Variants in ZNF346 observed in about 807,000 individuals in gnomAD.
ZNF346 encodes double-stranded RNA-binding zinc finger protein JAZ.
Under a neutral mutation model 33.7 loss-of-function variants are expected in ZNF346, and 23 were observed. The observed-to-expected ratio is 0.68, with a 90% CI of 0.49 to 0.97. The LOEUF (loss-of-function observed/expected upper bound fraction) is 0.97, where lower values mean the gene tolerates loss of function less well. Among genes scored for constraint, ZNF346 ranks in the 50% least tolerant of loss-of-function variants. The pLI is 0.00. For synonymous variants in ZNF346, 134 were observed against 142.4 expected (o/e 0.94, Z 0.42); for missense variants, 340 against 371.1 (o/e 0.92, Z 0.69).
At chr5:177,070,643 C>T (rs551771991), downstream of ZNF346, among the ~76,000 whole-genome samples, 7 of 152,286 alleles carry the variant, frequency 4.6e-5, 2 homozygotes, top group African/African-American at 1.7e-4. Flanking sequence ...ATGATAAATG[C>T]TATATAAATG....
Position 177,050,954 on chromosome 5 carries a change from A to C in ZNF346, c.703+18A>C. On this transcript the variant is annotated intron_variant, in intron 5 of 6. Transcript: ENST00000358149. ...CTTTCCAGGTGAGGGGGCCTAGCTCACACCCAGAGCTGGACCAGGGTTTGG... is the reference window on the plus strand; with the variant it reads ...CTTTCCAGGTGAGGGGGCCTAGCTCCCACCCAGAGCTGGACCAGGGTTTGG... 5 of 1,602,974 alleles carry C rather than the reference A, an allele frequency of 3.1e-6. No homozygotes were observed. The highest frequency in any genetic ancestry group is 1.1e-5 in the South Asian group (1 of 90,844).
At chr5:177,038,876 T>TTGTGTGTGTGTGTGTGTG (rs56812954) in intron 1 of ZNF346, among the ~76,000 whole-genome samples, 7 of 135,452 alleles carry the variant, frequency 5.2e-5, no homozygotes, top group African/African-American at 2.0e-4. Context: ...CTTCTTCTTC[T>TTGTGTGTGTGTGTGTGTG]TGTGTGTGTG....
downstream of ZNF346, among the ~76,000 whole-genome samples, chr5:177,068,171 G>A (rs549389777): frequency 3.7e-3 from 536 of 142,978 alleles, 125 homozygotes; most frequent in African/African-American, 0.015. Context: ...CTCACAGGGT[G>A]AGCAGCCACT....
Position 177,065,804 on chromosome 5 carries a change from C to T in ZNF346, c.*1205C>T, listed in dbSNP as rs1428996788. On this transcript the variant is annotated 3_prime_UTR_variant, in exon 7 of 7. Transcript: ENST00000358149. ...TAGCTGCTCTCGTGGCCTCCTTCCCCCACTCCCTATCCCTTCACCTGTGAA... is the reference window on the plus strand; with the variant it reads ...TAGCTGCTCTCGTGGCCTCCTTCCCTCACTCCCTATCCCTTCACCTGTGAA... 9 of 151,884 alleles carry T rather than the reference C, an allele frequency of 5.9e-5. No homozygotes were observed. Among genetic ancestry groups the T allele is most frequent in the African/African-American group, 1.9e-4 (8 of 41,366 alleles). The allele number at this position is 151,884 out of a possible 1,614,324, so 9.4% of individuals were successfully genotyped here.
rs1205613654 is a variant in ZNF346, at chr5:177,038,259, T to TG, written c.176-2867_176-2866insG. 4.7e-5 allele frequency among the ~76,000 whole-genome samples: 7 copies of TG among 148,614 alleles called. 2 individuals carry two copies. The highest frequency in any genetic ancestry group is 1.7e-4 in the African/African-American group (7 of 40,236). On this transcript the variant is annotated intron_variant, in intron 1 of 6. Coordinates refer to ENST00000358149, the MANE Select transcript of ZNF346 (RefSeq NM_012279.4). ...ATGCGCCACCATGCCCAACTACGTT[T>TG]TTTTTTTTTGTGTGTGTGTGTTTTT...
At chr5:177,074,850 G>A (rs1173155570) in intron 8 of ZNF346, among the ~76,000 whole-genome samples, 2 of 151,822 alleles carry the variant, frequency 1.3e-5, no homozygotes, top group Non-Finnish European at 2.9e-5. Flanking sequence ...GGCGGATCAC[G>A]AGGTCAGGAG....
chr5:177,072,051 G>A (rs185864680), downstream of ZNF346, among the ~76,000 whole-genome samples: 5 of 152,334 alleles, frequency 3.3e-5, no homozygotes, highest in African/African-American at 1.2e-4. Flanking sequence ...TAGCAAGGTA[G>A]ACCAGCCCTG....
intron 1 of ZNF346, among the ~76,000 whole-genome samples, chr5:177,032,247 A>G (rs1280165895): frequency 6.6e-6 from 1 of 151,150 alleles, no homozygotes; most frequent in Non-Finnish European, 1.5e-5. Flanking sequence ...CAGGTAATCC[A>G]CCCACCTTGG....
rs1420450817 is a variant in ZNF346 at position 177,055,042 on chromosome 5, T to G, written c.703+4106T>G. On this transcript the variant is annotated intron_variant, in intron 5 of 6. Transcript: ENST00000358149. The stretch of plus-strand genomic sequence containing the variant: ...CATTTACAAATACGTAGGTTTTTTT[T>G]TTTTTTTTTGAGACAGAGTCTCATT... 2.6e-5 allele frequency among the ~76,000 whole-genome samples: 4 copies of G among 151,366 alleles called. No homozygotes were observed. In the East Asian group the frequency reaches 5.8e-4, roughly 22 times the overall value.
chr5:177,062,175 C>A, intron 6 of ZNF346, 24 bp downstream of exon 6: 2 of 1,604,016 alleles, frequency 1.2e-6, no homozygotes, highest in Non-Finnish European at 1.7e-6. Flanking sequence ...TTTTGAAATT[C>A]TAGGATCCAT....
At chr5:177,058,228 A>G (rs1248573669) in intron 5 of ZNF346, among the ~76,000 whole-genome samples, 1 of 151,414 alleles carries the variant, frequency 6.6e-6, no homozygotes, top group African/African-American at 2.4e-5. Context: ...TAATTCCAGC[A>G]CTTTGGGAGG....
intron 5 of ZNF346, among the ~76,000 whole-genome samples, chr5:177,058,901 G>A (rs1196191823): frequency 6.6e-6 from 1 of 152,150 alleles, no homozygotes; most frequent in Non-Finnish European, 1.5e-5. Context: ...AAAGAATTTA[G>A]GTGTTTTTGT....
Position 177,048,355 on chromosome 5 carries a change from C to G in ZNF346, c.518-2396C>G, listed in dbSNP as rs561588705. Among the ~76,000 whole-genome samples the G allele has an allele frequency of 3.1e-3, 465 of 152,296 alleles. 3 individuals carry two copies. Among genetic ancestry groups the G allele is most frequent in the African/African-American group, 0.011 (447 of 41,538 alleles). ...AAGTTGGAAAATAGTAGGCCGGGTG[C>G]TCACGCCTGTAATTCCAGCACTTTG... On this transcript the variant is annotated intron_variant, in intron 4 of 6. Coordinates refer to ENST00000358149, the MANE Select transcript of ZNF346 (RefSeq NM_012279.4).
chr5:177,058,319 A>G (rs2149691987), intron 5 of ZNF346, among the ~76,000 whole-genome samples: 1 of 151,882 alleles, frequency 6.6e-6, no homozygotes, highest in Non-Finnish European at 1.5e-5. Context: ...TAAAAATACA[A>G]AATTAGCCGG....
chr5:177,068,434 A>G (rs1783339940), downstream of ZNF346, among the ~76,000 whole-genome samples: 1 of 144,154 alleles, frequency 6.9e-6, no homozygotes, highest in Non-Finnish European at 1.5e-5. Context: ...AGAATTGTCT[A>G]TCCCTCTGCT....
At position 177,077,386 on chromosome 5, in the gene ZNF346, T is replaced by A. The variant is rs1030879562; in HGVS notation, c.*3-1996T>A. Among the ~76,000 whole-genome samples the A allele has an allele frequency of 3.9e-5, 6 of 152,086 alleles. No homozygotes were observed. The highest frequency in any genetic ancestry group is 7.4e-5 in the Non-Finnish European group (5 of 68,008). On this transcript the variant is annotated intron_variant, in intron 8 of 8. Coordinates refer to the ZNF346 transcript ENST00000503039. The surrounding 1 kb of genome is among the most constrained non-coding windows in gnomAD (Gnocchi z 5.0). ...GAAAAAGGATTAGCCGAAGAAAAAA[T>A]TATTTGGTTCACATAGTGAAATGTT... is the stretch of plus-strand genomic sequence containing the variant.
At chr5:177,075,399 G>A (rs1485513119) in intron 8 of ZNF346, among the ~76,000 whole-genome samples, 2 of 151,270 alleles carry the variant, frequency 1.3e-5, no homozygotes, top group African/African-American at 2.4e-5. Flanking sequence ...GCCAGACACC[G>A]TCTCAAAAAA....
chr5:177,032,639 G>A (rs559575057), intron 1 of ZNF346, among the ~76,000 whole-genome samples: 58 of 152,226 alleles, frequency 3.8e-4, no homozygotes, highest in African/African-American at 1.4e-3. Flanking sequence ...TCAAACTCCT[G>A]ACCTCAGGTG....
In ZNF346 at chr5:177,022,814, C is replaced by T; in HGVS notation, c.76C>T (p.Leu26=). ...AAGPYSSSEL[L]EGQEPDGVRF... is the part of the protein sequence containing the mutation. ...CGGGCCTTACAGCAGCTCGGAGTTG[C>T]TGGAGGGCCAGGAGCCGGACGGGGT... Residue 26 remains leucine, a synonymous_variant, in exon 1 of 7, where the codon CTG becomes TTG. Coordinates refer to ENST00000358149, the MANE Select transcript of ZNF346 (RefSeq NM_012279.4). The T allele has an allele frequency of 6.5e-7, 1 of 1,542,860 alleles. No individual in the cohort carries two copies. Among genetic ancestry groups the T allele is most frequent in the East Asian group, 2.5e-5 (1 of 40,374 alleles).
Sources: allele counts gnomAD v4.1 joint callset (sites outside exome capture counted in the v4.1 genomes callset), GRCh38; gene constraint gnomAD v4.1.1; non-coding constraint Gnocchi (gnomAD v3.1); transcripts MANE v1.5; gene names NCBI Gene and HGNC (gene_info 2026-07-23, HGNC 2026-07-21).